Variants in PHYH observed in about 807,000 individuals in gnomAD.
The protein encoded by PHYH is phytanoyl-CoA 2-hydroxylase.
In PHYH, 32 loss-of-function variants were observed where a neutral mutation model predicts 38.5. The observed-to-expected ratio is 0.83, with a 90% CI of 0.63 to 1.12. The LOEUF is 1.12. PHYH is among the 50% of genes most tolerant of loss of function. The probability of loss-of-function intolerance (pLI) is 0.00; values close to 1 mark genes in which losing one functional copy is unlikely to be tolerated. For synonymous variants in PHYH, 166 were observed against 157.9 expected, an observed-to-expected ratio of 1.05 and a Z score of -0.38; for missense variants, 426 against 434.8, an observed-to-expected ratio of 0.98 and a Z score of 0.18.
chr10:13,295,367 C>A (rs757627614), intron 3 of PHYH, 129 bp downstream of exon 3: 45 of 679,420 alleles, frequency 6.6e-5, no homozygotes, highest in Non-Finnish European at 1.2e-4. Context: ...AGAGCCCATG[C>A]TTCTAAACAC....
chr10:13,284,302 A>G (rs1835492826), intron 6 of PHYH, among the ~76,000 whole-genome samples: 1 of 152,200 alleles, frequency 6.6e-6, no homozygotes, highest in African/African-American at 2.4e-5. Context: ...AGCCTGGACA[A>G]CAGAGCAAGA....
At chr10:13,288,684 A>T (rs1372428734) in intron 5 of PHYH, 143 bp from the exon 6 acceptor site, 4 of 747,374 alleles carry the variant, frequency 5.4e-6, no homozygotes, top group Non-Finnish European at 9.2e-6. Context: ...GGAGTTCAAA[A>T]CCATCCCGGG....
intron 2 of PHYH, 64 bp downstream of exon 2, chr10:13,298,123 C>A (rs1832615421): frequency 7.4e-6 from 7 of 940,242 alleles, no homozygotes; most frequent in Admixed American, 7.0e-5. Context: ...GGTATATCTT[C>A]ATTACCACTC....
intron 6 of PHYH, among the ~76,000 whole-genome samples, chr10:13,284,982 C>T (rs1179276135): frequency 2.0e-5 from 3 of 152,162 alleles, no homozygotes; most frequent in Non-Finnish European, 2.9e-5. Context: ...GTATCTGAGA[C>T]TCCACACGCT....
intron 2 of PHYH, among the ~76,000 whole-genome samples, chr10:13,297,791 G>A (rs1403772004): frequency 6.9e-6 from 1 of 144,262 alleles, no homozygotes; most frequent in Non-Finnish European, 1.5e-5. Context: ...ATGTTTAACT[G>A]AATTTTTAAA....
At chr10:13,290,335 AC>A (rs1046267014) in intron 5 of PHYH, among the ~76,000 whole-genome samples, 5 of 151,684 alleles carry the variant, frequency 3.3e-5, no homozygotes, top group Admixed American at 3.3e-4. Context: ...AGAGGTCCTC[AC>A]CCCCCACAAC....
intron 8 of PHYH, among the ~76,000 whole-genome samples, chr10:13,279,048 G>T (rs1336729687): frequency 2.0e-5 from 3 of 151,676 alleles, no homozygotes; most frequent in African/African-American, 7.3e-5. Flanking sequence ...GCCCAGGCTG[G>T]AGTGCAATGG....
In PHYH at chr10:13,294,537, C is replaced by T. The variant is rs1290322799; in HGVS notation, c.305G>A (p.Arg102Lys). The change falls in exon 4 of 9, where the codon AGA (arginine) becomes AAA (lysine). Residue 102 changes from arginine to lysine, a missense_variant. Transcript: ENST00000263038. The part of the protein sequence containing the change: ...EVKPLGLTVM[R>K]DVTISKSEYA... ...TTCGGATTTCGAAATGGTCACATCTCTCATTACTGTTAATCCTAATGGTTT... is the reference window on the plus strand; with the variant it reads ...TTCGGATTTCGAAATGGTCACATCTTTCATTACTGTTAATCCTAATGGTTT... 1 of 1,613,706 alleles carries T rather than the reference C, an allele frequency of 6.2e-7. No individual in the cohort carries two copies. The highest frequency in any genetic ancestry group is 8.5e-7 in the Non-Finnish European group (1 of 1,179,690).
chr10:13,298,490 C>T (rs537048998), intron 1 of PHYH, among the ~76,000 whole-genome samples: 14 of 152,086 alleles, frequency 9.2e-5, no homozygotes, highest in African/African-American at 3.4e-4. Flanking sequence ...CACCTGAGGT[C>T]GGGATTTCGA....
rs75566289 is a variant in PHYH at position 13,280,344 on chromosome 10, G to C, written c.963+632C>G. 2.8e-3 allele frequency among the ~76,000 whole-genome samples: 422 copies of C among 150,624 alleles called. 4 individuals carry two copies. Among genetic ancestry groups the C allele is most frequent in the African/African-American group, 9.9e-3 (406 of 41,016 alleles). ...CTATAACTTTCCTTCTATCCCTTCA[G>C]AAGGCTTTTTTTTTGACACATGGTC... On this transcript the variant is annotated intron_variant, in intron 8 of 8. Transcript: ENST00000263038.
intron 2 of PHYH, among the ~76,000 whole-genome samples, chr10:13,296,760 T>A (rs1230102479): frequency 7.0e-6 from 1 of 143,738 alleles, no homozygotes; most frequent in Non-Finnish European, 1.5e-5. Flanking sequence ...ATCGGGACCA[T>A]CCTGGCTAAC....
intron 6 of PHYH, among the ~76,000 whole-genome samples, chr10:13,284,412 C>A (rs1229684076): frequency 6.6e-6 from 1 of 152,138 alleles, no homozygotes; most frequent in Non-Finnish European, 1.5e-5. Context: ...GAATTTCCAC[C>A]TGCCCTTCAT....
intron 8 of PHYH, among the ~76,000 whole-genome samples, chr10:13,278,598 G>A (rs549568229): frequency 1.8e-4 from 28 of 152,196 alleles, no homozygotes; most frequent in Non-Finnish European, 2.5e-4. Context: ...GGAGTGCAGC[G>A]GCTCACTGCA....
chr10:13,293,791 GA>G (rs1307924338), intron 4 of PHYH, among the ~76,000 whole-genome samples: 14 of 152,052 alleles, frequency 9.2e-5, no homozygotes, highest in South Asian at 2.1e-4. Context: ...TTGAAATCAT[GA>G]GTTTGGTAGA....
rs372047384 is a variant in PHYH at position 13,283,726 on chromosome 10, G to A, written c.792C>T (p.His264=). 7.8e-5 allele frequency: 126 copies of A among 1,614,022 alleles called. No homozygotes were observed. The African/African-American group carries it at 9.3e-4, about 12-fold the overall frequency. Residue 264 remains histidine (H), a synonymous_variant, in exon 7 of 9, where the codon CAC becomes CAT. Coordinates refer to ENST00000263038, the MANE Select transcript of PHYH (RefSeq NM_006214.4). ...DTVFFHPLLI[H]GSGQNKTQGF... The stretch of plus-strand genomic sequence containing the variant: ...CCTGGGTTTTATTCTGACCAGATCC[G>A]TGGATGAGCAAAGGATGGAAGAAAA...
intron 6 of PHYH, among the ~76,000 whole-genome samples, chr10:13,286,197 C>T (rs527391202): frequency 7.2e-5 from 11 of 152,248 alleles, no homozygotes; most frequent in South Asian, 2.1e-4. Context: ...TTAGACCTAA[C>T]GCGTTAATAG....
intron 4 of PHYH, among the ~76,000 whole-genome samples, chr10:13,292,215 A>T (rs973212524): frequency 1.3e-5 from 2 of 152,194 alleles, no homozygotes; most frequent in African/African-American, 4.8e-5. Context: ...AACCCAAGCA[A>T]CAGAAGGTTG....
In PHYH at chr10:13,278,278, A is replaced by T. The variant is rs1173180765; in HGVS notation, c.*23T>A. 3.2e-6 allele frequency: 5 copies of T among 1,568,338 alleles called. No homozygotes were observed. The highest frequency in any genetic ancestry group is 4.4e-6 in the Non-Finnish European group (5 of 1,138,458). On this transcript the variant is annotated 3_prime_UTR_variant, in exon 9 of 9. Coordinates refer to ENST00000263038, the MANE Select transcript of PHYH (RefSeq NM_006214.4). ...TCGTTTGGTTTTGGTTTTCTGTTGA[A>T]AGAGTTATAGCAGATGGCTATTTCA...
intron 2 of PHYH, among the ~76,000 whole-genome samples, chr10:13,296,066 G>A (rs1394674445): frequency 6.6e-6 from 1 of 151,946 alleles, no homozygotes; most frequent in African/African-American, 2.4e-5. Flanking sequence ...TACCCGGGAG[G>A]TTGAGGCAGG....
Sources: allele counts gnomAD v4.1 joint callset (sites outside exome capture counted in the v4.1 genomes callset), GRCh38; gene constraint gnomAD v4.1.1; transcripts MANE v1.5; gene names NCBI Gene and HGNC (gene_info 2026-07-23, HGNC 2026-07-21).